Variants in TANGO6 observed in about 807,000 individuals in gnomAD.
TANGO6 encodes transport and Golgi organization protein 6 homolog.
In TANGO6, 90 loss-of-function variants were observed where a neutral mutation model predicts 114.2. That is an observed-to-expected ratio of 0.79 (90% CI 0.66 to 0.94). The LOEUF (loss-of-function observed/expected upper bound fraction) is 0.94, where lower values mean the gene tolerates loss of function less well. TANGO6 is among the 40% of genes least tolerant of loss of function. The probability of loss-of-function intolerance (pLI) is 0.00; values close to 1 mark genes in which losing one functional copy is unlikely to be tolerated. For missense variants in TANGO6, 1,274 were observed against 1,315.3 expected (o/e 0.97, Z 0.49); for synonymous variants, 477 against 509.8 (o/e 0.94, Z 0.87).
At chr16:68,930,532 A>C (rs1057135418) in intron 14 of TANGO6, among the ~76,000 whole-genome samples, 1 of 152,128 alleles carries the variant, frequency 6.6e-6, no homozygotes, top group Non-Finnish European at 1.5e-5. Context: ...TAATGTTTAC[A>C]TATTCTGTAG....
At chr16:68,890,638 A>G (rs1962599785) in intron 7 of TANGO6, among the ~76,000 whole-genome samples, 1 of 152,058 alleles carries the variant, frequency 6.6e-6, no homozygotes, top group Non-Finnish European at 1.5e-5. Flanking sequence ...ATCCCAGCAC[A>G]CTTTGGGAGG....
intron 7 of TANGO6, among the ~76,000 whole-genome samples, chr16:68,884,906 C>T (rs1962518598): frequency 6.6e-6 from 1 of 152,192 alleles, no homozygotes; most frequent in Non-Finnish European, 1.5e-5. Flanking sequence ...CATTAGTTTT[C>T]TGTAGACACT....
intron 17 of TANGO6, among the ~76,000 whole-genome samples, chr16:69,063,808 CTTATTATTA>C (rs1179628552): frequency 0.026 from 3,264 of 125,484 alleles, 136 homozygotes; most frequent in African/African-American, 0.1. Context: ...TCTTCTTCTT[CTTATTATTA>C]TTATTATTAT....
chr16:69,030,534 G>GT, intron 16 of TANGO6, among the ~76,000 whole-genome samples: 1 of 151,972 alleles, frequency 6.6e-6, no homozygotes, highest in Non-Finnish European at 1.5e-5. Flanking sequence ...AGGGGTGGGG[G>GT]GTTAGTGGTG....
At position 69,042,664 on chromosome 16, in the gene TANGO6, T is replaced by C. The variant is rs1227821857; in HGVS notation, c.3108+2243T>C. On this transcript the variant is annotated intron_variant, in intron 17 of 17. Coordinates refer to ENST00000261778, the MANE Select transcript of TANGO6 (RefSeq NM_024562.2). ...GACCTTGATGGGGATGGGGGACATA[T>C]AGATCATAGCTCAGTAATTTGTATA... Among the ~76,000 whole-genome samples the C allele has an allele frequency of 2.6e-5, 4 of 152,184 alleles. No individual in the cohort carries two copies. The East Asian group carries it at 7.7e-4, about 29-fold the overall frequency.
chr16:68,998,468 A>C (rs1964012265), intron 15 of TANGO6, among the ~76,000 whole-genome samples: 1 of 152,166 alleles, frequency 6.6e-6, no homozygotes, highest in Non-Finnish European at 1.5e-5. Context: ...ACGGTGGCTC[A>C]TGCCTGTAAT....
At position 68,972,264 on chromosome 16, in the gene TANGO6, G is replaced by A. The variant is rs1248453462; in HGVS notation, c.2702-1764G>A. 2.0e-5 allele frequency among the ~76,000 whole-genome samples: 3 copies of A among 152,070 alleles called. No homozygotes were observed. In the South Asian group the frequency reaches 6.2e-4, roughly 31 times the overall value. ...TGGGGGTGGGGAGGGCAGAAAGGAG[G>A]ATGGGCAGACAGGTGCAGCCCTCAG... On this transcript the variant is annotated intron_variant, in intron 14 of 17. Coordinates refer to ENST00000261778, the MANE Select transcript of TANGO6 (RefSeq NM_024562.2).
intron 15 of TANGO6, among the ~76,000 whole-genome samples, chr16:68,975,044 C>G (rs1597043582): frequency 6.6e-6 from 1 of 151,894 alleles, no homozygotes; most frequent in Non-Finnish European, 1.5e-5. Flanking sequence ...GGCAATAGAG[C>G]GAGACTCAGA....
intron 16 of TANGO6, among the ~76,000 whole-genome samples, chr16:69,037,437 C>T (rs1384509798): frequency 2.0e-5 from 3 of 152,178 alleles, no homozygotes; most frequent in Non-Finnish European, 2.9e-5. Flanking sequence ...ACCCTCTGCT[C>T]GGTCCATGGC....
At chr16:69,023,319 G>C (rs756527230) in intron 16 of TANGO6, among the ~76,000 whole-genome samples, 4 of 152,032 alleles carry the variant, frequency 2.6e-5, no homozygotes, top group Non-Finnish European at 5.9e-5. Context: ...AGCTGGGCGT[G>C]GTGGTACATG....
chr16:69,066,042 T>C (rs953715407), intron 17 of TANGO6, among the ~76,000 whole-genome samples: 1 of 152,162 alleles, frequency 6.6e-6, no homozygotes, highest in African/African-American at 2.4e-5. Context: ...TTCCTGATGC[T>C]TTCCATTCTG....
intron 17 of TANGO6, among the ~76,000 whole-genome samples, chr16:69,059,390 GA>G (rs1255885649): frequency 6.6e-6 from 1 of 151,800 alleles, no homozygotes; most frequent in African/African-American, 2.4e-5. Context: ...ATTTTTAGTA[GA>G]GAGGGGGTTT....
chr16:69,012,556 C>CAAAAAAAAAAAAAAAAAAAA (rs1175561720), intron 15 of TANGO6, among the ~76,000 whole-genome samples: 7 of 36,498 alleles, frequency 1.9e-4, no homozygotes, highest in Non-Finnish European at 2.5e-4. Context: ...AACTCTGTCT[C>CAAAAAAAAAAAAAAAAAAAA]AAAAAAAAAA....
In TANGO6 at chr16:69,081,857, TCTCA is replaced by T. The variant is rs551615867; in HGVS notation, c.3109-1620_3109-1617del. ...CTTTTTTTTTTTTTTTGAGACAGAG[TCTCA>T]CTCACTCTGTTGCCCAGGCTGGAGT... On this transcript the variant is annotated intron_variant, in intron 17 of 17. Transcript: ENST00000261778. Among the ~76,000 whole-genome samples, 468 of 137,930 alleles carry T rather than the reference TCTCA, an allele frequency of 3.4e-3. 4 individuals are homozygous for T. The highest frequency in any genetic ancestry group is 0.012 in the African/African-American group (441 of 36,230). The allele number at this position is 137,930 out of a possible 152,430, so 90.5% of individuals were successfully genotyped here. A position where few individuals can be genotyped will look rare whatever the true frequency, so the allele number is the denominator to read the frequency against.
intron 14 of TANGO6, among the ~76,000 whole-genome samples, chr16:68,953,046 A>T (rs1963486645): frequency 9.5e-6 from 1 of 105,112 alleles, no homozygotes; most frequent in Non-Finnish European, 1.8e-5. Context: ...CTCAACAGGT[A>T]TTTTTTATTA....
intron 12 of TANGO6, among the ~76,000 whole-genome samples, chr16:68,926,569 C>T (rs1963170208): frequency 6.6e-6 from 1 of 151,098 alleles, no homozygotes; most frequent in African/African-American, 2.4e-5. Context: ...GCTCTGTTGC[C>T]CAAGCTGGAG....
intron 14 of TANGO6, among the ~76,000 whole-genome samples, chr16:68,972,096 G>T (rs951500855): frequency 6.6e-6 from 1 of 151,968 alleles, no homozygotes; most frequent in Non-Finnish European, 1.5e-5. Flanking sequence ...CAGAGCTTCT[G>T]CTTGCATAAG....
Position 69,067,518 on chromosome 16 carries a change from C to CAAAAAAAAAAAAA in TANGO6, c.3109-15960_3109-15948dup, listed in dbSNP as rs1199698790. On this transcript the variant is annotated intron_variant, in intron 17 of 17. Coordinates refer to ENST00000261778, the MANE Select transcript of TANGO6 (RefSeq NM_024562.2). Reference sequence around the variant, plus strand: ...AGGCAACAAGAGCAAAACTCCATCTCAAAAAAAAAAAAAAAAAAACGCTGG... The same window carrying CAAAAAAAAAAAAA: ...AGGCAACAAGAGCAAAACTCCATCTCAAAAAAAAAAAAAAAAAAAAAAAAAAAAAAAACGCTGG... Among the ~76,000 whole-genome samples, 364 of 43,650 alleles carry CAAAAAAAAAAAAA rather than the reference C, an allele frequency of 8.3e-3. 19 individuals are homozygous for CAAAAAAAAAAAAA. The highest frequency in any genetic ancestry group is 0.01 in the Non-Finnish European group (254 of 24,290). 28.6% of individuals were successfully genotyped at this position (43,650 alleles called of 152,430 possible). A position where few individuals can be genotyped will look rare whatever the true frequency, so the allele number is the denominator to read the frequency against.
rs1199698790 is a variant in TANGO6, at chr16:69,067,518, C to CAAAAAAAAAAA, written c.3109-15958_3109-15948dup. On this transcript the variant is annotated intron_variant, in intron 17 of 17. Transcript: ENST00000261778. ...AGGCAACAAGAGCAAAACTCCATCT[C>CAAAAAAAAAAA]AAAAAAAAAAAAAAAAAAACGCTGG... Among the ~76,000 whole-genome samples, 347 of 43,708 alleles carry CAAAAAAAAAAA rather than the reference C, an allele frequency of 7.9e-3. 35 individuals are homozygous for CAAAAAAAAAAA. Among genetic ancestry groups the CAAAAAAAAAAA allele is most frequent in the African/African-American group, 0.031 (313 of 10,156 alleles). The allele number at this position is 43,708 out of a possible 152,430, so 28.7% of individuals were successfully genotyped here. A position where few individuals can be genotyped will look rare whatever the true frequency, so the allele number is the denominator to read the frequency against.
Sources: allele counts gnomAD v4.1 joint callset (sites outside exome capture counted in the v4.1 genomes callset), GRCh38; gene constraint gnomAD v4.1.1; transcripts MANE v1.5; gene names NCBI Gene and HGNC (gene_info 2026-07-23, HGNC 2026-07-21).